ACOX3: variants seen among roughly 807,000 people sequenced by gnomAD.
ACOX3 encodes the protein peroxisomal acyl-coenzyme A oxidase 3.
Under a neutral mutation model 81.5 loss-of-function variants are expected in ACOX3, and 73 were observed. The observed-to-expected ratio is 0.90, with a 90% confidence interval of 0.74 to 1.09. ACOX3 has a LOEUF of 1.09. Ranked by LOEUF, ACOX3 falls within the 50% of genes least tolerant of loss-of-function variation. The pLI, the probability that ACOX3 is intolerant of heterozygous loss-of-function variation, is 0.00. For missense variants in ACOX3, 947 were observed against 928.0 expected (o/e 1.02, Z -0.27); for synonymous variants, 387 against 375.1 (o/e 1.03, Z -0.37).
intron 1 of ACOX3, among the ~76,000 whole-genome samples, chr4:8,435,217 G>A (rs894890893): frequency 3.3e-5 from 5 of 152,240 alleles, no homozygotes; most frequent in South Asian, 2.1e-4. Flanking sequence ...TTTGCTGGGC[G>A]CGGTGGCTCA....
At chr4:8,396,699 A>G (rs1719733555) in intron 9 of ACOX3, among the ~76,000 whole-genome samples, 1 of 151,696 alleles carries the variant, frequency 6.6e-6, no homozygotes, top group South Asian at 2.1e-4. Context: ...AAAAAAAAAA[A>G]AAGACTTGCT....
Position 8,423,785 on chromosome 4 carries a change from A to G in ACOX3, c.-14-7250T>C, listed in dbSNP as rs577906700. ...GACTCTCAATTCTTGCTTGCCTTTGAAGATCCTTTGAATCTAATGTCTCAA... is the reference window on the plus strand; with the variant it reads ...GACTCTCAATTCTTGCTTGCCTTTGGAGATCCTTTGAATCTAATGTCTCAA... On this transcript the variant is annotated intron_variant, in intron 1 of 17. Transcript: ENST00000356406. This position sits in a 1 kb window ranked among gnomAD's most constrained non-coding sequence, Gnocchi z 4.2. Among the ~76,000 whole-genome samples the G allele has an allele frequency of 6.6e-6, 1 of 152,292 alleles. No homozygotes were observed. Among genetic ancestry groups the G allele is most frequent in the East Asian group, 1.9e-4 (1 of 5,180 alleles).
At chr4:8,365,314 G>A (rs1438536226), downstream of ACOX3, among the ~76,000 whole-genome samples, 1 of 152,262 alleles carries the variant, frequency 6.6e-6, no homozygotes. Context: ...CATTCTCTCT[G>A]AAAGCAGGAA....
Position 8,389,633 on chromosome 4 carries a change from G to A in ACOX3, c.1402C>T (p.Leu468Phe), listed in dbSNP as rs1441481624. ...LQQTSNYLLG[L>F]LAHQVHDGAC... ...TCACCGTGGACCTGGTGTGCCAGGA[G>A]ACCCAGCAAATAGTTGCTTGTCTGC... Residue 468 changes from leucine (L) to phenylalanine (F), a missense_variant, in exon 12 of 18, where the codon CTC (leucine) becomes TTC (phenylalanine). Physicochemically the swap from Leu to Phe is conservative, Grantham distance 22. Coordinates refer to ENST00000356406, the MANE Select transcript of ACOX3 (RefSeq NM_003501.3). The surrounding 1 kb of genome is among the most constrained non-coding windows in gnomAD (Gnocchi z 5.3). 1.2e-6 allele frequency: 2 copies of A among 1,613,854 alleles called. No individual in the cohort carries two copies. Among genetic ancestry groups the A allele is most frequent in the African/African-American group, 1.3e-5 (1 of 74,912 alleles).
chr4:8,434,894 A>C (rs954473099), intron 1 of ACOX3, among the ~76,000 whole-genome samples: 3 of 152,208 alleles, frequency 2.0e-5, no homozygotes, highest in Non-Finnish European at 2.9e-5. Context: ...GCCTTTAATG[A>C]CACTTTGGTT....
Position 8,414,354 on chromosome 4 carries a change from A to G in ACOX3, c.481T>C (p.Leu161=). ...EIFGCFALTE[L]SHGSNTKAIR... is the part of the protein sequence containing the mutation. ...GCCTTGGTATTACTGCCGTGGCTTA[A>G]TTCGGTCAGAGCAAAACATCCAAAA... Residue 161 remains leucine, a synonymous_variant, in exon 5 of 18, where the codon TTA becomes CTA. Coordinates refer to ENST00000356406, the MANE Select transcript of ACOX3 (RefSeq NM_003501.3). The surrounding 1 kb of genome is among the most constrained non-coding windows in gnomAD (Gnocchi z 6.1). The G allele has an allele frequency of 6.2e-7, 1 of 1,614,186 alleles. No individual in the cohort carries two copies. Among genetic ancestry groups the G allele is most frequent in the African/African-American group, 1.3e-5 (1 of 75,044 alleles).
At position 8,405,719 on chromosome 4, in the gene ACOX3, C is replaced by T. The variant is rs770083128; in HGVS notation, c.776+236G>A. ...TGGGTCTGATCTGAGAGTGTGGAGC[C>T]GCCTGCCAAGGTGAAGCTGGTTTGC... On this transcript the variant is annotated intron_variant, in intron 7 of 17. Coordinates refer to ENST00000356406, the MANE Select transcript of ACOX3 (RefSeq NM_003501.3). The surrounding 1 kb of genome is among the most constrained non-coding windows in gnomAD (Gnocchi z 7.1). Among the ~76,000 whole-genome samples the T allele has an allele frequency of 8.5e-5, 13 of 152,180 alleles. No individual in the cohort carries two copies. The highest frequency in any genetic ancestry group is 2.0e-4 in the Admixed American group (3 of 15,272).
At chr4:8,436,812 T>C (rs1724262206) in intron 1 of ACOX3, among the ~76,000 whole-genome samples, 1 of 148,360 alleles carries the variant, frequency 6.7e-6, no homozygotes, top group South Asian at 2.1e-4. Context: ...TGAAACCCTG[T>C]CTCTACTAAA....
In ACOX3 at chr4:8,378,775, G is replaced by A. The variant is rs113207886; in HGVS notation, c.1653+2717C>T. On this transcript the variant is annotated intron_variant, in intron 14 of 17. Coordinates refer to ENST00000356406, the MANE Select transcript of ACOX3 (RefSeq NM_003501.3). The stretch of plus-strand genomic sequence containing the variant: ...GCCAGGCTTACAGTGGGTAAATGGT[G>A]GATAGCAGTTACTGGCAGGAGCCAG... 1.4e-3 allele frequency among the ~76,000 whole-genome samples: 210 copies of A among 152,324 alleles called. 2 individuals are homozygous for A. Among genetic ancestry groups the A allele is most frequent in the African/African-American group, 4.6e-3 (190 of 41,574 alleles).
chr4:8,437,856 T>C lies in ACOX3; in HGVS notation c.-15+2792A>G, dbSNP rs1724346361. Among the ~76,000 whole-genome samples the C allele has an allele frequency of 6.6e-6, 1 of 152,192 alleles. No homozygotes were observed. The highest frequency in any genetic ancestry group is 1.5e-5 in the Non-Finnish European group (1 of 68,030). ...GATCAGGCTGGCAGGAGCTAAAGAA[T>C]GTAAAGACTAGGGCAGACTAGGCAC... On this transcript the variant is annotated intron_variant, in intron 1 of 17. Coordinates refer to ENST00000356406, the MANE Select transcript of ACOX3 (RefSeq NM_003501.3). This position sits in a 1 kb window ranked among gnomAD's most constrained non-coding sequence, Gnocchi z 5.2.
At chr4:8,393,615 GCACACA>G (rs61109010) in intron 10 of ACOX3, among the ~76,000 whole-genome samples, 36 of 140,580 alleles carry the variant, frequency 2.6e-4, no homozygotes, top group Non-Finnish European at 4.7e-4. Context: ...ACACACACAC[GCACACA>G]CACACACACA....
chr4:8,401,993 C>T (rs977979796), intron 7 of ACOX3, among the ~76,000 whole-genome samples: 6 of 152,172 alleles, frequency 3.9e-5, no homozygotes, highest in African/African-American at 1.4e-4. Context: ...CGGGGCTCAC[C>T]CCCCTCCATG....
At chr4:8,358,112 T>C in the ACOX3 span, 32,299 of 152,176 alleles carry the variant, frequency 0.21, 3,572 homozygotes, top group Non-Finnish European at 0.26. Flanking sequence ...ACATGACACA[T>C]AGTAGCCCCG....
chr4:8,439,537 T>C (rs2688246), intron 1 of ACOX3, among the ~76,000 whole-genome samples: 62,981 of 152,034 alleles, frequency 0.41, 13,364 homozygotes, highest in South Asian at 0.51. Flanking sequence ...GTTCAAGCAT[T>C]TGGCTCTTAA....
chr4:8,415,089 A>G (rs752188041), intron 3 of ACOX3, among the ~76,000 whole-genome samples, 161 bp from the exon 4 acceptor site: 7 of 152,272 alleles, frequency 4.6e-5, no homozygotes, highest in Non-Finnish European at 7.3e-5. Flanking sequence ...GAGGTTAGCC[A>G]GCAGCCTGGA....
chr4:8,410,744 T>C (rs62286044), intron 5 of ACOX3, among the ~76,000 whole-genome samples: 4,126 of 152,314 alleles, frequency 0.027, 70 homozygotes, highest in South Asian at 0.041. Flanking sequence ...GGGAATGCCG[T>C]GCAGTCCACT....
chr4:8,417,511 C>T (rs984094486), intron 1 of ACOX3, among the ~76,000 whole-genome samples: 3 of 152,176 alleles, frequency 2.0e-5, no homozygotes, highest in Non-Finnish European at 4.4e-5. Flanking sequence ...GATGGAGAAA[C>T]GGAAGCTCAG....
At chr4:8,393,889 G>A (rs1022387404) in intron 10 of ACOX3, among the ~76,000 whole-genome samples, 2 of 152,140 alleles carry the variant, frequency 1.3e-5, no homozygotes, top group Non-Finnish European at 2.9e-5. Context: ...GGTCAGAAGC[G>A]CTCCCTCCTC....
chr4:8,379,164 C>G (rs1480005834), intron 14 of ACOX3, among the ~76,000 whole-genome samples: 1 of 152,224 alleles, frequency 6.6e-6, no homozygotes, highest in Non-Finnish European at 1.5e-5. Flanking sequence ...AACCTTTATG[C>G]AGCCAAATCC....
Sources: allele counts gnomAD v4.1 joint callset (sites outside exome capture counted in the v4.1 genomes callset), GRCh38; gene constraint gnomAD v4.1.1; non-coding constraint Gnocchi (gnomAD v3.1); transcripts MANE v1.5; gene names NCBI Gene and HGNC (gene_info 2026-07-23, HGNC 2026-07-21).